The following TENM3 variants were observed in gnomAD, a reference collection of about 807,000 sequenced individuals.
TENM3 encodes teneurin-3.
In TENM3, 63 loss-of-function variants were observed where a neutral mutation model predicts 255.1. The observed-to-expected ratio is 0.25, with a 90% confidence interval of 0.20 to 0.30. The LOEUF (loss-of-function observed/expected upper bound fraction) is 0.30. Among genes scored for constraint, TENM3 ranks in the 10% least tolerant of loss-of-function variants. TENM3 has a pLI of 1.00. For missense variants in TENM3, 2,929 were observed against 3,461.1 expected (o/e 0.85, Z 3.86); for synonymous variants, 1,306 against 1,322.3 (o/e 0.99, Z 0.27).
chr4:181,849,280 A>G, the TENM3 span, among the ~76,000 whole-genome samples: 2 of 152,230 alleles, frequency 1.3e-5, no homozygotes, highest in Non-Finnish European at 2.9e-5. Context: ...TGAAGAAACA[A>G]TTCTTATTCT....
At chr4:182,770,562 A>C (rs766980178) in intron 22 of TENM3, among the ~76,000 whole-genome samples, 169 of 152,238 alleles carry the variant, frequency 1.1e-3, no homozygotes, top group Non-Finnish European at 1.7e-3. Flanking sequence ...GTTGCAAATA[A>C]GCAGAGAATC....
intron 1 of TENM3, among the ~76,000 whole-genome samples, chr4:182,185,207 C>T (rs950715724): frequency 6.6e-6 from 1 of 152,114 alleles, no homozygotes; most frequent in Non-Finnish European, 1.5e-5. Context: ...TTTCTTTTAT[C>T]GACATAGTCA....
chr4:182,557,857 A>G (rs1742726586), intron 3 of TENM3, among the ~76,000 whole-genome samples: 1 of 152,172 alleles, frequency 6.6e-6, no homozygotes, highest in South Asian at 2.1e-4. Context: ...TCTCTCTACC[A>G]TTCATACATG....
chr4:182,063,473 G>A, the TENM3 span, among the ~76,000 whole-genome samples: 1 of 152,170 alleles, frequency 6.6e-6, no homozygotes, highest in Non-Finnish European at 1.5e-5. Context: ...AAGCACTTTA[G>A]TCGCATGTCA....
At chr4:181,927,943 G>A in the TENM3 span, among the ~76,000 whole-genome samples, 1 of 152,132 alleles carries the variant, frequency 6.6e-6, no homozygotes, top group Admixed American at 6.5e-5. Flanking sequence ...AGGCCTGATT[G>A]TTACAAGGAA....
chr4:182,757,257 A>T (rs1448966894), intron 22 of TENM3, among the ~76,000 whole-genome samples: 3 of 133,760 alleles, frequency 2.2e-5, no homozygotes, highest in Non-Finnish European at 4.6e-5. Context: ...GGTTGCAGTG[A>T]GCTGAGATGG....
chr4:182,770,228 A>G (rs1579429492), intron 22 of TENM3, among the ~76,000 whole-genome samples: 1 of 152,152 alleles, frequency 6.6e-6, no homozygotes, highest in East Asian at 1.9e-4. Flanking sequence ...TTTTTAATTT[A>G]AAAACCCTGT....
the TENM3 span, among the ~76,000 whole-genome samples, chr4:181,566,637 G>A: frequency 2.0e-5 from 3 of 152,130 alleles, no homozygotes; most frequent in South Asian, 4.1e-4. Context: ...TCCATGCAGC[G>A]ACCAGCTGTG....
At chr4:181,748,260 T>C in the TENM3 span, among the ~76,000 whole-genome samples, 1 of 152,090 alleles carries the variant, frequency 6.6e-6, no homozygotes, top group African/African-American at 2.4e-5. Context: ...ATAATCTTCT[T>C]ATCCAAGTGC....
the TENM3 span, among the ~76,000 whole-genome samples, chr4:181,776,170 C>T: frequency 7.9e-5 from 12 of 152,094 alleles, no homozygotes; most frequent in African/African-American, 2.7e-4. Flanking sequence ...TGAGAACAGG[C>T]AATGTTTCTG....
chr4:181,624,197 A>G, the TENM3 span, among the ~76,000 whole-genome samples: 1 of 152,194 alleles, frequency 6.6e-6, no homozygotes, highest in Non-Finnish European at 1.5e-5. Flanking sequence ...AGTTCATCTC[A>G]GGTCAGCTGG....
At chr4:181,756,165 G>A in the TENM3 span, among the ~76,000 whole-genome samples, 1 of 152,102 alleles carries the variant, frequency 6.6e-6, no homozygotes. Flanking sequence ...GACAAAAGTT[G>A]CTAATGTCTT....
intron 6 of TENM3, among the ~76,000 whole-genome samples, chr4:182,656,466 C>T (rs533789056): frequency 6.6e-6 from 1 of 152,252 alleles, no homozygotes; most frequent in East Asian, 1.9e-4. Flanking sequence ...ACTCTATTTA[C>T]AAGGAGGGAG....
Position 182,755,082 on chromosome 4 carries a change from G to A in TENM3, c.4715G>A (p.Arg1572His), listed in dbSNP as rs752116740. ...NTLRIRRDPN[R>H]MPVRVVSPDN... ...CTTAGAATTAGACGGGACCCAAATCGCATGCCAGTTCGAGTGGTGTCTCCT... is the reference window on the plus strand; with the variant it reads ...CTTAGAATTAGACGGGACCCAAATCACATGCCAGTTCGAGTGGTGTCTCCT... The change falls in exon 22 of 28, where the codon CGC (arginine) becomes CAC (histidine). Residue 1572 changes from arginine (R) to histidine (H), a missense_variant. Coordinates refer to ENST00000511685, the MANE Select transcript of TENM3 (RefSeq NM_001080477.4). The A allele has an allele frequency of 5.0e-6, 8 of 1,613,850 alleles. No homozygotes were observed. The highest frequency in any genetic ancestry group is 2.2e-5 in the East Asian group (1 of 44,886).
chr4:181,516,368 T>TAAA, the TENM3 span, among the ~76,000 whole-genome samples: 62 of 141,270 alleles, frequency 4.4e-4, no homozygotes, highest in Admixed American at 6.3e-4. Flanking sequence ...AAAAAATATT[T>TAAA]AAAAAAAAAA....
the TENM3 span, among the ~76,000 whole-genome samples, chr4:181,537,493 G>A: frequency 6.6e-6 from 1 of 152,268 alleles, no homozygotes; most frequent in African/African-American, 2.4e-5. Flanking sequence ...TAATAAAAAG[G>A]CTGAATTAAA....
At chr4:182,147,854 C>T (rs1214730750) in intron 1 of TENM3, among the ~76,000 whole-genome samples, 5 of 152,014 alleles carry the variant, frequency 3.3e-5, no homozygotes, top group Middle Eastern at 3.2e-3. Flanking sequence ...CACATGCATT[C>T]GGAGTAAAGT....
the TENM3 span, among the ~76,000 whole-genome samples, chr4:181,744,572 G>A: frequency 2.0e-5 from 3 of 152,124 alleles, no homozygotes; most frequent in African/African-American, 7.2e-5. Context: ...GATATCCCTG[G>A]TTGTTAAACT....
intron 3 of TENM3, among the ~76,000 whole-genome samples, chr4:182,415,785 G>A (rs942414441): frequency 1.3e-5 from 2 of 152,120 alleles, no homozygotes; most frequent in Admixed American, 6.5e-5. Flanking sequence ...TTATTTCAGA[G>A]TGAAACTTGA....
Sources: gnomAD v4.1 joint callset for allele counts (sites outside exome capture counted in the v4.1 genomes callset) on GRCh38, gnomAD v4.1.1 for gene constraint, MANE v1.5 for transcripts, NCBI Gene and HGNC (gene_info 2026-07-23, HGNC 2026-07-21) for gene names.